LNX1: variants seen among roughly 807,000 people sequenced by gnomAD.
LNX1 encodes the protein ligand of numb-protein X 1, also known as E3 ubiquitin-protein ligase LNX.
LNX1 carries 54 observed loss-of-function variants against 68.4 expected under a neutral mutation model. The observed-to-expected ratio is 0.79, with a 90% CI of 0.63 to 0.99. The LOEUF (loss-of-function observed/expected upper bound fraction) is 0.99, where lower values mean the gene tolerates loss of function less well. LNX1 is among the 50% of genes least tolerant of loss of function. The probability of loss-of-function intolerance (pLI) is 0.00; values close to 1 mark genes in which losing one functional copy is unlikely to be tolerated. For missense variants in LNX1, 906 were observed against 926.4 expected (o/e 0.98, Z 0.29); for synonymous variants, 336 against 350.0 (o/e 0.96, Z 0.45).
chr4:53,516,725 G>T (rs1235446339), intron 2 of LNX1, among the ~76,000 whole-genome samples: 3 of 152,204 alleles, frequency 2.0e-5, no homozygotes, highest in Non-Finnish European at 2.9e-5. Flanking sequence ...GCAACATGTT[G>T]GTGGCAGTGC....
At chr4:53,475,050 G>A (rs1398417217) in intron 9 of LNX1, among the ~76,000 whole-genome samples, 1 of 119,428 alleles carries the variant, frequency 8.4e-6, no homozygotes, top group Non-Finnish European at 1.8e-5. Context: ...TTACAGGCAT[G>A]AGCCACCACA....
chr4:53,651,698 C>T (rs1735105806), intron 1 of LNX1, among the ~76,000 whole-genome samples: 1 of 152,204 alleles, frequency 6.6e-6, no homozygotes, highest in Non-Finnish European at 1.5e-5. Flanking sequence ...TTCTCTCAAC[C>T]TCTTTATCCA....
chr4:53,544,304 G>A (rs958823988), intron 2 of LNX1, among the ~76,000 whole-genome samples: 9 of 151,974 alleles, frequency 5.9e-5, no homozygotes, highest in African/African-American at 1.7e-4. Flanking sequence ...GGCAATATTC[G>A]TGCCTCAGCC....
At chr4:53,620,330 A>C (rs779771376), upstream of LNX1, among the ~76,000 whole-genome samples, 14 of 152,202 alleles carry the variant, frequency 9.2e-5, no homozygotes, top group Non-Finnish European at 1.9e-4. Context: ...ATAAATGCAA[A>C]CTCTCAAGCC....
intron 5 of LNX1, among the ~76,000 whole-genome samples, chr4:53,496,941 T>C (rs562782443): frequency 6.6e-6 from 1 of 152,152 alleles, no homozygotes; most frequent in South Asian, 2.1e-4. Context: ...GTGAGCACGA[T>C]GGAGTGTATG....
rs145862081 is a variant in LNX1, at chr4:53,605,649, T to A, written c.-215+10868A>T. 1.6e-3 allele frequency among the ~76,000 whole-genome samples: 237 copies of A among 152,322 alleles called. 1 individual carries two copies. The East Asian group carries it at 0.04, about 26-fold the overall frequency. Reference sequence around the variant, plus strand: ...TGTTTCTCTGTATTCATGTTTTTTTTAAAATTCCATATATAAGTGAAATCA... The same window carrying A: ...TGTTTCTCTGTATTCATGTTTTTTTAAAAATTCCATATATAAGTGAAATCA... On this transcript the variant is annotated intron_variant, in intron 2 of 3. Coordinates refer to the LNX1 transcript ENST00000504299.
intron 1 of LNX1, among the ~76,000 whole-genome samples, chr4:53,627,039 C>T (rs1734101981): frequency 6.6e-6 from 1 of 152,168 alleles, no homozygotes. Context: ...GGTGTGGGAG[C>T]ACTGCACGCT....
At chr4:53,598,301 C>A (rs147540626) in intron 2 of LNX1, among the ~76,000 whole-genome samples, 1 of 151,388 alleles carries the variant, frequency 6.6e-6, no homozygotes, top group Non-Finnish European at 1.5e-5. Flanking sequence ...GGCACAATCA[C>A]GGTTTACTGT....
At chr4:53,576,029 C>T in intron 1 of LNX1, 2 of 1,569,996 alleles carry the variant, frequency 1.3e-6, no homozygotes, top group Non-Finnish European at 1.7e-6. Flanking sequence ...AGCCTGAAGC[C>T]CAACACCTTC....
chr4:53,602,291 C>G (rs1403669820), intron 2 of LNX1, among the ~76,000 whole-genome samples: 1 of 152,144 alleles, frequency 6.6e-6, no homozygotes, highest in South Asian at 2.1e-4. Flanking sequence ...GGGAAAATAC[C>G]TGTGTGAGCA....
chr4:53,545,031 T>C (rs1729012297), intron 2 of LNX1, among the ~76,000 whole-genome samples: 1 of 152,192 alleles, frequency 6.6e-6, no homozygotes, highest in South Asian at 2.1e-4. Flanking sequence ...CTTTTTTCTA[T>C]TAAAAACTGC....
chr4:53,573,909 G>A lies in LNX1; in HGVS notation c.94C>T (p.Pro32Ser), dbSNP rs543430260. ...SLEENHFYSY[P>S]EEVDDDLICH... Reference sequence around the variant, plus strand: ...ATGAGGTCATCATCCACTTCCTCTGGATAGCTGTAGAAGTGGTTTTCCTCC... The same window carrying A: ...ATGAGGTCATCATCCACTTCCTCTGAATAGCTGTAGAAGTGGTTTTCCTCC... Residue 32 changes from proline to serine, a missense_variant, in exon 2 of 11, where the codon CCA (proline) becomes TCA (serine). Pro to Ser is a moderately conservative substitution (Grantham distance 74). Coordinates refer to ENST00000263925, the MANE Select transcript of LNX1 (RefSeq NM_001126328.3). The A allele has an allele frequency of 1.2e-6, 2 of 1,613,696 alleles. No individual in the cohort carries two copies. Among genetic ancestry groups the A allele is most frequent in the East Asian group, 4.5e-5 (2 of 44,882 alleles).
At chr4:53,559,606 A>G (rs1193620726) in intron 2 of LNX1, among the ~76,000 whole-genome samples, 4 of 152,226 alleles carry the variant, frequency 2.6e-5, no homozygotes, top group African/African-American at 9.6e-5. Context: ...GGCAATGCCC[A>G]TAAACAACAA....
chr4:53,634,343 A>C (rs1734383456), intron 1 of LNX1, among the ~76,000 whole-genome samples: 1 of 151,362 alleles, frequency 6.6e-6, no homozygotes, highest in African/African-American at 2.4e-5. Flanking sequence ...TCCTAGGTTC[A>C]AGCAATTCTC....
At chr4:53,604,654 T>A (rs1733154253) in intron 2 of LNX1, among the ~76,000 whole-genome samples, 1 of 152,258 alleles carries the variant, frequency 6.6e-6, no homozygotes, top group Non-Finnish European at 1.5e-5. Context: ...TTCGTTTGTT[T>A]CTTCATTTGT....
chr4:53,469,901 C>G (rs1233927734), intron 9 of LNX1, among the ~76,000 whole-genome samples: 4 of 152,176 alleles, frequency 2.6e-5, no homozygotes, highest in Admixed American at 6.5e-5. Context: ...CAGCCGAATT[C>G]TACCAGAAGT....
intron 9 of LNX1, among the ~76,000 whole-genome samples, chr4:53,474,438 C>CA (rs2109398443): frequency 6.6e-6 from 1 of 152,304 alleles, no homozygotes; most frequent in South Asian, 2.1e-4. Flanking sequence ...GAGTAATTGC[C>CA]ACAGAGACTG....
chr4:53,512,011 A>G (rs1385750079), intron 2 of LNX1, among the ~76,000 whole-genome samples: 1 of 152,196 alleles, frequency 6.6e-6, no homozygotes, highest in Admixed American at 6.5e-5. Flanking sequence ...CTGTTGCATT[A>G]GCAAACATTG....
At chr4:53,472,318 C>T (rs888292273) in intron 9 of LNX1, among the ~76,000 whole-genome samples, 2 of 151,886 alleles carry the variant, frequency 1.3e-5, no homozygotes, top group Non-Finnish European at 2.9e-5. Flanking sequence ...AGGGGAACAT[C>T]ACACACCGGG....
Sources: gnomAD v4.1 joint callset for allele counts (sites outside exome capture counted in the v4.1 genomes callset) on GRCh38, gnomAD v4.1.1 for gene constraint, MANE v1.5 for transcripts, NCBI Gene and HGNC (gene_info 2026-07-23, HGNC 2026-07-21) for gene names.